The following ARHGAP28 variants were observed in gnomAD, a reference collection of about 807,000 sequenced individuals.
ARHGAP28 encodes the protein Rho GTPase activating protein 28.
A neutral mutation model predicts 90.7 loss-of-function variants in ARHGAP28; 56 were observed. That is an observed-to-expected ratio of 0.62 (90% CI 0.50 to 0.77). The LOEUF (loss-of-function observed/expected upper bound fraction) is 0.77, where lower values mean the gene tolerates loss of function less well. Among genes scored for constraint, ARHGAP28 ranks in the 30% least tolerant of loss-of-function variants. The pLI is 0.00. For missense variants in ARHGAP28, 869 were observed against 900.9 expected, an observed-to-expected ratio of 0.96 and a Z score of 0.45; for synonymous variants, 308 against 323.3, an observed-to-expected ratio of 0.95 and a Z score of 0.51.
At chr18:6,886,919 A>T (rs1347614563) in intron 11 of ARHGAP28, among the ~76,000 whole-genome samples, 1 of 152,170 alleles carries the variant, frequency 6.6e-6, no homozygotes, top group African/African-American at 2.4e-5. Context: ...ATCCAGAATT[A>T]TTCTGAGGAT....
Position 6,889,990 on chromosome 18 carries a change from A to G in ARHGAP28, c.1639A>G (p.Arg547Gly). Reference protein sequence around the residue: ...TVMAPNLFFSRSKHSDYEELL... With the variant: ...TVMAPNLFFSGSKHSDYEELL... ...GATGGCACCAAACCTTTTCTTCAGT[A>G]GAAGCAAACACTCTGATTATGAAGA... Residue 547 changes from arginine (R) to glycine (G), a missense_variant, in exon 13 of 18, where the codon AGA becomes GGA. Arg to Gly is a moderately radical substitution (Grantham distance 125, BLOSUM62 -2). Transcript: ENST00000383472. The G allele has an allele frequency of 6.2e-7, 1 of 1,614,218 alleles. No individual in the cohort carries two copies.
At chr18:6,771,032 G>GTTTTAT (rs1319316977) in intron 1 of ARHGAP28, among the ~76,000 whole-genome samples, 11 of 151,714 alleles carry the variant, frequency 7.3e-5, no homozygotes, top group African/African-American at 2.2e-4. Context: ...TTTTTGTTTT[G>GTTTTAT]TTTTATTTTT....
chr18:6,742,408 G>A (rs1200634530), intron 1 of ARHGAP28, among the ~76,000 whole-genome samples: 1 of 152,034 alleles, frequency 6.6e-6, no homozygotes, highest in Non-Finnish European at 1.5e-5. Flanking sequence ...GACCTCAGGT[G>A]ATCCACCCAC....
At chr18:6,845,476 T>G (rs1206511400) in intron 3 of ARHGAP28, among the ~76,000 whole-genome samples, 1 of 152,220 alleles carries the variant, frequency 6.6e-6, no homozygotes, top group African/African-American at 2.4e-5. Flanking sequence ...GTTTGTTACC[T>G]AGGTAAACAT....
chr18:6,895,717 A>G (rs2057299848), intron 15 of ARHGAP28, among the ~76,000 whole-genome samples: 2 of 152,156 alleles, frequency 1.3e-5, no homozygotes, highest in African/African-American at 2.4e-5. Context: ...CTCATATGTA[A>G]TGGCCTCATC....
chr18:6,745,511 CTACAG>C (rs2056015598), intron 1 of ARHGAP28, among the ~76,000 whole-genome samples: 1 of 152,176 alleles, frequency 6.6e-6, no homozygotes, highest in Non-Finnish European at 1.5e-5. Context: ...TATACTTCCT[CTACAG>C]TAAAGTGCAC....
Position 6,766,720 on chromosome 18 carries a change from G to A in ARHGAP28, c.122+36777G>A, listed in dbSNP as rs150757551. Among the ~76,000 whole-genome samples the A allele has an allele frequency of 2.4e-3, 360 of 152,186 alleles. 1 individual carries two copies. Among genetic ancestry groups the A allele is most frequent in the Non-Finnish European group, 3.0e-3 (207 of 68,008 alleles). On this transcript the variant is annotated intron_variant, in intron 1 of 17. Transcript: ENST00000383472. ...TTCAGATCTTCAGTCATGTTTGAAG[G>A]CTTTTCTATACCCAGTGTGGCTCCT...
chr18:6,896,847 T>C, intron 16 of ARHGAP28: 1 of 472,428 alleles, frequency 2.1e-6, no homozygotes, highest in East Asian at 3.4e-5. Context: ...GAAATGGGAT[T>C]CTTAATAGGT....
chr18:6,889,842 C>G (rs1354679486), intron 12 of ARHGAP28, 46 bp from the exon 13 acceptor site: 1 of 1,583,070 alleles, frequency 6.3e-7, no homozygotes, highest in Non-Finnish European at 8.7e-7. Flanking sequence ...ATCAGGGGCA[C>G]TTTTGACAGT....
At chr18:6,792,549 A>T (rs1421133625) in intron 1 of ARHGAP28, among the ~76,000 whole-genome samples, 2 of 152,194 alleles carry the variant, frequency 1.3e-5, no homozygotes, top group Admixed American at 1.3e-4. Context: ...ATTAAATGCT[A>T]GTCCTTGCAA....
At chr18:6,742,178 T>C (rs930287071) in intron 1 of ARHGAP28, among the ~76,000 whole-genome samples, 1 of 151,586 alleles carries the variant, frequency 6.6e-6, no homozygotes, top group Non-Finnish European at 1.5e-5. Context: ...TCTTTTTTTT[T>C]TTTTTGACAG....
chr18:6,808,482 T>G (rs1006784076), intron 1 of ARHGAP28, among the ~76,000 whole-genome samples: 13 of 152,224 alleles, frequency 8.5e-5, no homozygotes, highest in African/African-American at 3.1e-4. Flanking sequence ...CATTGGATTT[T>G]GGAAGTTGTC....
intron 1 of ARHGAP28, among the ~76,000 whole-genome samples, chr18:6,766,899 G>T (rs943877164): frequency 1.3e-5 from 2 of 152,120 alleles, no homozygotes; most frequent in African/African-American, 4.8e-5. Context: ...ATTAACGCTT[G>T]CATGTCATAT....
intron 1 of ARHGAP28, among the ~76,000 whole-genome samples, chr18:6,779,883 A>C (rs1458850364): frequency 1.3e-5 from 2 of 152,220 alleles, no homozygotes; most frequent in Admixed American, 1.3e-4. Context: ...AAGTAAATCA[A>C]AGATAACTCG....
At position 6,883,111 on chromosome 18, in the gene ARHGAP28, C is replaced by T. The variant is rs556750643; in HGVS notation, c.1453+812C>T. On this transcript the variant is annotated intron_variant, in intron 11 of 17. Transcript: ENST00000383472. ...TGGACCAAAAAGGTCTGTGTCCAAACTGAGAGGACACACCCCATCTAGAGA... is the reference window on the plus strand; with the variant it reads ...TGGACCAAAAAGGTCTGTGTCCAAATTGAGAGGACACACCCCATCTAGAGA... Among the ~76,000 whole-genome samples, 14 of 152,262 alleles carry T rather than the reference C, an allele frequency of 9.2e-5. No homozygotes were observed. In the South Asian group the frequency reaches 2.3e-3, roughly 25 times the overall value.
intron 1 of ARHGAP28, among the ~76,000 whole-genome samples, chr18:6,776,189 A>T (rs907809510): frequency 1.3e-5 from 2 of 152,176 alleles, no homozygotes; most frequent in Non-Finnish European, 2.9e-5. Context: ...AAGGAAATCA[A>T]TGCCTTTCTA....
In ARHGAP28 at chr18:6,845,017, T is replaced by G. The variant is rs544616973; in HGVS notation, c.544-6017T>G. On this transcript the variant is annotated intron_variant, in intron 3 of 17. Transcript: ENST00000383472. Reference sequence around the variant, plus strand: ...GAGCTTATAATGGAAAATCTTGAGCTACCCTCCATGTATCCTTTAGTATTA... The same window carrying G: ...GAGCTTATAATGGAAAATCTTGAGCGACCCTCCATGTATCCTTTAGTATTA... Among the ~76,000 whole-genome samples, 4 of 152,338 alleles carry G rather than the reference T, an allele frequency of 2.6e-5. No homozygotes were observed. The East Asian group carries it at 7.7e-4, about 29-fold the overall frequency.
At chr18:6,799,292 G>C (rs1567951470) in intron 1 of ARHGAP28, among the ~76,000 whole-genome samples, 2 of 150,702 alleles carry the variant, frequency 1.3e-5, no homozygotes, top group Non-Finnish European at 2.9e-5. Context: ...AATCAGTATT[G>C]TGAAAATGGC....
At chr18:6,831,257 A>T (rs1386338536) in intron 2 of ARHGAP28, among the ~76,000 whole-genome samples, 1 of 152,086 alleles carries the variant, frequency 6.6e-6, no homozygotes, top group Non-Finnish European at 1.5e-5. Flanking sequence ...ACTATTTTTT[A>T]AAACTTTTTA....
Sources: gnomAD v4.1 joint callset for allele counts (sites outside exome capture counted in the v4.1 genomes callset) on GRCh38, gnomAD v4.1.1 for gene constraint, MANE v1.5 for transcripts, NCBI Gene and HGNC (gene_info 2026-07-23, HGNC 2026-07-21) for gene names.